GPR141: variants seen among roughly 807,000 people sequenced by gnomAD.
GPR141 encodes G protein-coupled receptor 141, also known as probable G protein-coupled receptor 141.
Under a neutral mutation model 6.8 loss-of-function variants are expected in GPR141, and 6 were observed. That is an observed-to-expected ratio of 0.88 (90% CI 0.48 to 1.74). The LOEUF (loss-of-function observed/expected upper bound fraction) is 1.74. GPR141 is among the 40% of genes most tolerant of loss of function. The pLI is 0.01. For missense variants in GPR141, 372 were observed against 372.9 expected (o/e 1.00, Z 0.02); for synonymous variants, 140 against 142.3 (o/e 0.98, Z 0.11).
chr7:37,709,334 A>G (rs1810683259), intron 2 of GPR141, among the ~76,000 whole-genome samples: 1 of 152,328 alleles, frequency 6.6e-6, no homozygotes, highest in East Asian at 1.9e-4. Flanking sequence ...TTTCTATTTT[A>G]TTTAATATTC....
intron 2 of GPR141, among the ~76,000 whole-genome samples, chr7:37,730,788 A>C (rs1346841598): frequency 6.6e-6 from 1 of 152,262 alleles, no homozygotes; most frequent in African/African-American, 2.4e-5. Flanking sequence ...TCTAAATAGC[A>C]AGCTAATATT....
rs1478817081 is a variant in GPR141 at position 37,741,244 on chromosome 7, T to C, written c.851T>C (p.Val284Ala). 1 of 1,611,564 alleles carries C rather than the reference T, an allele frequency of 6.2e-7. No homozygotes were observed. The highest frequency in any genetic ancestry group is 8.5e-7 in the Non-Finnish European group (1 of 1,178,150). The change falls in exon 3 of 3, where the codon GTC becomes GCC. Residue 284 changes from valine to alanine, a missense_variant. Transcript: ENST00000334425. Reference protein sequence around the residue: ...AISCYDLLLFVFGGSHWFKQK... With the variant: ...AISCYDLLLFAFGGSHWFKQK... ...AGCTGCTATGATTTGCTTCTCTTTG[T>C]CTTTGGGGGAAGCCATTGGTTTAAG...
intron 2 of GPR141, among the ~76,000 whole-genome samples, chr7:37,730,918 G>T (rs1282624847): frequency 6.6e-6 from 1 of 152,170 alleles, no homozygotes; most frequent in African/African-American, 2.4e-5. Context: ...TCCATTTTGT[G>T]AAAAGGCTCG....
At chr7:37,722,200 TTTATAA>T (rs2131819470) in intron 2 of GPR141, among the ~76,000 whole-genome samples, 1 of 152,320 alleles carries the variant, frequency 6.6e-6, no homozygotes, top group African/African-American at 2.4e-5. Flanking sequence ...CCTAGAGTTA[TTTATAA>T]CAATAAGTTA....
chr7:37,713,789 T>C (rs956479961), intron 2 of GPR141, among the ~76,000 whole-genome samples: 2 of 152,250 alleles, frequency 1.3e-5, no homozygotes, highest in Non-Finnish European at 2.9e-5. Context: ...TGTGTAATTT[T>C]AGTTGCCACA....
intron 2 of GPR141, among the ~76,000 whole-genome samples, chr7:37,734,505 G>T (rs948735328): frequency 6.6e-6 from 1 of 152,210 alleles, no homozygotes; most frequent in African/African-American, 2.4e-5. Flanking sequence ...AACATGCACA[G>T]TCCTTGTCCT....
chr7:37,689,410 G>A (rs1009250885), intron 2 of GPR141, among the ~76,000 whole-genome samples: 1 of 152,056 alleles, frequency 6.6e-6, no homozygotes, highest in Non-Finnish European at 1.5e-5. Flanking sequence ...CTTGTAGAAT[G>A]AGCTTAAAAG....
At chr7:37,727,189 TG>T (rs1322913674) in intron 2 of GPR141, among the ~76,000 whole-genome samples, 1 of 152,226 alleles carries the variant, frequency 6.6e-6, no homozygotes, top group African/African-American at 2.4e-5. Context: ...CAGTGCTGGG[TG>T]GGACCTTTCA....
chr7:37,739,962 A>G (rs1452044778), intron 2 of GPR141, among the ~76,000 whole-genome samples: 1 of 152,200 alleles, frequency 6.6e-6, no homozygotes, highest in Non-Finnish European at 1.5e-5. Flanking sequence ...TTAGAGAATT[A>G]TAATCATGCC....
At chr7:37,705,636 G>T (rs1810492314) in intron 2 of GPR141, among the ~76,000 whole-genome samples, 1 of 152,122 alleles carries the variant, frequency 6.6e-6, no homozygotes, top group Non-Finnish European at 1.5e-5. Flanking sequence ...CAATGAGATG[G>T]GGGTCTGAGG....
intron 2 of GPR141, among the ~76,000 whole-genome samples, chr7:37,725,835 G>A (rs1376956413): frequency 6.6e-6 from 1 of 150,806 alleles, no homozygotes; most frequent in African/African-American, 2.4e-5. Context: ...TACCATGTTT[G>A]CTTTGTTTTT....
chr7:37,702,736 T>TAA (rs1810336683), intron 2 of GPR141, among the ~76,000 whole-genome samples: 1 of 97,216 alleles, frequency 1.0e-5, no homozygotes, highest in African/African-American at 4.0e-5. Context: ...TAAAGTATAA[T>TAA]AAAAAATAAA....
intron 2 of GPR141, among the ~76,000 whole-genome samples, chr7:37,699,866 A>ATC (rs1276843323): frequency 1.3e-5 from 2 of 152,240 alleles, no homozygotes; most frequent in Non-Finnish European, 2.9e-5. Context: ...CAAACACGAC[A>ATC]GAGAATCAGC....
Position 37,703,041 on chromosome 7 carries a change from A to G in GPR141, c.-15+17458A>G, listed in dbSNP as rs74768947. Among the ~76,000 whole-genome samples the G allele has an allele frequency of 4.6e-4, 70 of 152,144 alleles. No homozygotes were observed. In the East Asian group the frequency reaches 0.013, roughly 28 times the overall value. On this transcript the variant is annotated intron_variant, in intron 2 of 2. Transcript: ENST00000334425. ...TCATTGTTTTTCAAATGTATCCTCC[A>G]TATGTACCTTTAGTAAGGGTAAACC...
chr7:37,684,930 A>G (rs970899023), intron 1 of GPR141, among the ~76,000 whole-genome samples: 1 of 152,204 alleles, frequency 6.6e-6, no homozygotes, highest in Non-Finnish European at 1.5e-5. Context: ...TTTTCTAGTA[A>G]TTGGCTGCAT....
chr7:37,732,259 ATTGCGGTTTTT>A (rs1811997979), intron 2 of GPR141, among the ~76,000 whole-genome samples: 1 of 140,412 alleles, frequency 7.1e-6, no homozygotes, highest in Non-Finnish European at 1.5e-5. Flanking sequence ...TGCAAAAGTA[ATTGCGGTTTTT>A]GTCATTGCTT....
chr7:37,697,557 C>T (rs897571391), intron 2 of GPR141, among the ~76,000 whole-genome samples: 3 of 152,134 alleles, frequency 2.0e-5, no homozygotes, highest in Non-Finnish European at 2.9e-5. Context: ...GCATGAGTTA[C>T]GGATGTGGAC....
intron 2 of GPR141, among the ~76,000 whole-genome samples, chr7:37,705,300 C>G (rs1810478005): frequency 6.6e-6 from 1 of 152,138 alleles, no homozygotes; most frequent in African/African-American, 2.4e-5. Context: ...AAATAATACT[C>G]TAAATGTTGG....
chr7:37,719,704 A>C (rs1228136934), intron 2 of GPR141, among the ~76,000 whole-genome samples: 1 of 152,202 alleles, frequency 6.6e-6, no homozygotes, highest in African/African-American at 2.4e-5. Context: ...CTGAGCAGAA[A>C]ACCAGAAAAA....
Sources: allele counts gnomAD v4.1 joint callset (sites outside exome capture counted in the v4.1 genomes callset), GRCh38; gene constraint gnomAD v4.1.1; transcripts MANE v1.5; gene names NCBI Gene and HGNC (gene_info 2026-07-23, HGNC 2026-07-21).